The following TADA1 variants were observed in gnomAD, a reference collection of about 807,000 sequenced individuals.
TADA1 encodes transcriptional adapter 1.
Under a neutral mutation model 39.3 loss-of-function variants are expected in TADA1, and 23 were observed. The ratio of observed to expected loss-of-function variants is 0.58; its 90% confidence interval spans 0.42 to 0.83. TADA1 has a LOEUF of 0.83. TADA1 is among the 40% of genes least tolerant of loss of function. The probability of loss-of-function intolerance (pLI) is 0.00; values close to 1 mark genes in which losing one functional copy is unlikely to be tolerated. For missense variants in TADA1, 352 were observed against 408.1 expected (o/e 0.86, Z 1.18); for synonymous variants, 137 against 151.8 (o/e 0.90, Z 0.72).
chr1:166,863,349 T>C (rs1337606164), intron 4 of TADA1: 1 of 158,500 alleles, frequency 6.3e-6, no homozygotes, highest in African/African-American at 2.4e-5. Context: ...GAAGTTTTTT[T>C]CCCTAAATAT....
At chr1:166,865,622 GCTAACATGGTGA>G (rs1223339960) in intron 3 of TADA1, among the ~76,000 whole-genome samples, 1 of 151,932 alleles carries the variant, frequency 6.6e-6, no homozygotes, top group Non-Finnish European at 1.5e-5. Context: ...GACCATCCTG[GCTAACATGGTGA>G]AACCCTGTCT....
chr1:166,873,143 C>T (rs756554146), intron 1 of TADA1, among the ~76,000 whole-genome samples: 3 of 152,074 alleles, frequency 2.0e-5, no homozygotes. Context: ...TGGTGGTGGG[C>T]GCCTGTAATC....
At chr1:166,869,939 G>T in intron 1 of TADA1, 85 bp from the exon 2 acceptor site, 1 of 1,152,810 alleles carries the variant, frequency 8.7e-7, no homozygotes, top group Non-Finnish European at 1.3e-6. Flanking sequence ...AAAGAGACGG[G>T]GTTTTTTATT....
chr1:166,857,028 A>T lies in TADA1; in HGVS notation c.*539T>A, dbSNP rs1658293465. The T allele has an allele frequency of 6.6e-6, 1 of 152,546 alleles. No individual in the cohort carries two copies. Among genetic ancestry groups the T allele is most frequent in the Non-Finnish European group, 1.5e-5 (1 of 68,326 alleles). The allele number at this position is 152,546 out of a possible 1,614,324, so 9.4% of individuals were successfully genotyped here. A position where few individuals can be genotyped will look rare whatever the true frequency, so the allele number is the denominator to read the frequency against. On this transcript the variant is annotated 3_prime_UTR_variant, in exon 8 of 8. Coordinates refer to ENST00000367874, the MANE Select transcript of TADA1 (RefSeq NM_053053.4). ...TCATATTTCCTGTGGAGTTATAGTG[A>T]TAAATTTCTCAGGGGCTACCTATCG...
rs541850881 is a variant in TADA1 at position 166,859,040 on chromosome 1, T to C, written c.693-759A>G. On this transcript the variant is annotated intron_variant, in intron 6 of 7. Coordinates refer to ENST00000367874, the MANE Select transcript of TADA1 (RefSeq NM_053053.4). ...GGAGCCACTTTTGGGGATTTGTTTT[T>C]TTCTAGAGAAGAATGATCCCAAACA... Among the ~76,000 whole-genome samples the C allele has an allele frequency of 2.0e-5, 3 of 152,368 alleles. No individual in the cohort carries two copies. The East Asian group carries it at 5.8e-4, about 29-fold the overall frequency.
chr1:166,876,086 G>A (rs1211088606), intron 1 of TADA1, 74 bp downstream of exon 1: 15 of 1,421,152 alleles, frequency 1.1e-5, no homozygotes, highest in Non-Finnish European at 1.4e-5. Context: ...GGGCGTCTCC[G>A]GGGCGGGCTG....
chr1:166,869,677 T>C, intron 2 of TADA1, 86 bp downstream of exon 2: 1 of 1,511,408 alleles, frequency 6.6e-7, no homozygotes, highest in Non-Finnish European at 9.1e-7. Flanking sequence ...AAACCAAAAT[T>C]TTACTTTTTA....
At chr1:166,862,735 C>G in intron 4 of TADA1, 1 of 335,146 alleles carries the variant, frequency 3.0e-6, no homozygotes, top group Non-Finnish European at 5.5e-6. Flanking sequence ...GAACTATATT[C>G]AAACAAATCA....
Position 166,856,667 on chromosome 1 carries a change from T to TA in TADA1, c.*899dup. ...TTATCTATCAACACTATCCCTTAAG[T>TA]AAAAAGCAACATATCTCTTAAGTAG... On this transcript the variant is annotated 3_prime_UTR_variant, in exon 8 of 8. Coordinates refer to ENST00000367874, the MANE Select transcript of TADA1 (RefSeq NM_053053.4). 1.3e-5 allele frequency: 2 copies of TA among 152,750 alleles called. No individual in the cohort carries two copies. The highest frequency in any genetic ancestry group is 4.1e-4 in the South Asian group (2 of 4,828). 9.5% of individuals were successfully genotyped at this position (152,750 alleles called of 1,614,324 possible).
chr1:166,857,998 CAG>C (rs1483398862), intron 7 of TADA1, 119 bp downstream of exon 7: 28 of 1,286,484 alleles, frequency 2.2e-5, no homozygotes, highest in Non-Finnish European at 2.9e-5. Flanking sequence ...GCTTTTATAA[CAG>C]ACAAAACTGA....
At chr1:166,863,251 T>C (rs912434097) in intron 4 of TADA1, 1 of 153,042 alleles carries the variant, frequency 6.5e-6, no homozygotes, top group East Asian at 1.9e-4. Context: ...ATAAAGCATA[T>C]AGTCAAGGTG....
chr1:166,875,761 G>C (rs1046830241), intron 1 of TADA1, among the ~76,000 whole-genome samples: 3 of 152,224 alleles, frequency 2.0e-5, no homozygotes, highest in Non-Finnish European at 2.9e-5. Context: ...CTCCAGGGGC[G>C]GGCCGCCCTG....
At chr1:166,869,892 G>C in intron 1 of TADA1, 38 bp from the exon 2 acceptor site, 1 of 1,553,920 alleles carries the variant, frequency 6.4e-7, no homozygotes, top group Non-Finnish European at 8.8e-7. Context: ...CCACAGATTT[G>C]GCTGCTTCTA....
At chr1:166,868,462 T>C (rs747470707) in intron 3 of TADA1, among the ~76,000 whole-genome samples, 1 of 152,204 alleles carries the variant, frequency 6.6e-6, no homozygotes, top group African/African-American at 2.4e-5. Context: ...AAGTTAGGTA[T>C]CCCTTAGGTA....
chr1:166,870,679 C>T (rs995561324), intron 1 of TADA1, among the ~76,000 whole-genome samples: 3 of 152,040 alleles, frequency 2.0e-5, no homozygotes, highest in African/African-American at 7.2e-5. Context: ...AAATACAAAA[C>T]TTAGCTGTGC....
Position 166,859,995 on chromosome 1 carries a change from T to C in TADA1, c.692+191A>G, listed in dbSNP as rs61815106. On this transcript the variant is annotated intron_variant, in intron 6 of 7. Transcript: ENST00000367874. Reference sequence around the variant, plus strand: ...CAGAAGCCAAACTCTGCAACTTCACTTCTCATAAAAGGAGTACCAAAATAA... The same window carrying C: ...CAGAAGCCAAACTCTGCAACTTCACCTCTCATAAAAGGAGTACCAAAATAA... 0.012 allele frequency among the ~76,000 whole-genome samples: 1,799 copies of C among 152,242 alleles called. 52 individuals carry two copies. The highest frequency in any genetic ancestry group is 0.01 in the Non-Finnish European group (708 of 68,018).
chr1:166,860,276 T>C lies in TADA1; in HGVS notation c.602A>G (p.Asp201Gly). ...GCCAAAGGCATATTTAAAATGACCA[T>C]CTCGTAACCGATAAGCTTTCCTTCT... ...VSRRKAYRLR[D>G]GHFKYAFGSN... Residue 201 changes from aspartate to glycine, a missense_variant, in exon 6 of 8, where the codon GAT becomes GGT. This residue lies in a region of TADA1 where 285 missense variants were observed against 310.9 expected (regional missense o/e 0.92). Coordinates refer to ENST00000367874, the MANE Select transcript of TADA1 (RefSeq NM_053053.4). The C allele has an allele frequency of 6.2e-7, 1 of 1,614,104 alleles. No individual in the cohort carries two copies. Among genetic ancestry groups the C allele is most frequent in the African/African-American group, 1.3e-5 (1 of 75,042 alleles).
rs1224030290 is a variant in TADA1, at chr1:166,863,861, C to T, written c.293G>A (p.Gly98Glu). Residue 98 changes from glycine (G) to glutamate (E), a missense_variant, in exon 4 of 8, where the codon GGA becomes GAA. Gly to Glu is a moderately conservative substitution (Grantham distance 98). This residue lies in a region of TADA1 where 285 missense variants were observed against 310.9 expected (regional missense o/e 0.92). Transcript: ENST00000367874. ...ACGAACAGAAGAAAGCTTTTTCTTT[C>T]CCTTGGGTTTTCCAGGTTTTGCTGC... ...GSAAKPGKPK[G>E]KKKLSSVRQK... The T allele has an allele frequency of 4.3e-6, 7 of 1,612,224 alleles. No homozygotes were observed. Among genetic ancestry groups the T allele is most frequent in the Non-Finnish European group, 5.1e-6 (6 of 1,179,574 alleles).
intron 3 of TADA1, among the ~76,000 whole-genome samples, chr1:166,865,641 G>A (rs1658513045): frequency 6.6e-6 from 1 of 151,728 alleles, no homozygotes; most frequent in South Asian, 2.1e-4. Flanking sequence ...GTGAAACCCT[G>A]TCTCTACTAA....
Sources: allele counts gnomAD v4.1 joint callset (sites outside exome capture counted in the v4.1 genomes callset), GRCh38; gene constraint gnomAD v4.1.1; regional missense constraint gnomAD v4.1.1; transcripts MANE v1.5; gene names NCBI Gene and HGNC (gene_info 2026-07-23, HGNC 2026-07-21).